PLCXD2: variants seen among roughly 807,000 people sequenced by gnomAD.
The protein encoded by PLCXD2 is PI-PLC X domain-containing protein 2.
A neutral mutation model predicts 28.6 loss-of-function variants in PLCXD2; 21 were observed. The ratio of observed to expected loss-of-function variants is 0.73; its 90% CI spans 0.52 to 1.06. PLCXD2 has a LOEUF of 1.06. Among genes scored for constraint, PLCXD2 ranks in the 50% least tolerant of loss-of-function variants. The pLI is 0.00. For missense variants in PLCXD2, 369 were observed against 376.7 expected (o/e 0.98, Z 0.17); for synonymous variants, 140 against 150.1 (o/e 0.93, Z 0.49).
At chr3:111,693,673 C>T (rs918264540) in intron 1 of PLCXD2, among the ~76,000 whole-genome samples, 4 of 152,158 alleles carry the variant, frequency 2.6e-5, no homozygotes, top group African/African-American at 7.2e-5. Context: ...TCTTGCTTCT[C>T]GATGTTTATG....
chr3:111,680,097 A>G (rs895446096), intron 1 of PLCXD2, among the ~76,000 whole-genome samples: 13 of 152,180 alleles, frequency 8.5e-5, no homozygotes, highest in Non-Finnish European at 1.3e-4. Context: ...CTGGAATCCT[A>G]TCCTTTTCCT....
chr3:111,700,970 G>A lies in PLCXD2; in HGVS notation c.164-6956G>A, dbSNP rs114651818. Among the ~76,000 whole-genome samples the A allele has an allele frequency of 4.7e-3, 716 of 152,246 alleles. 7 individuals carry two copies. The highest frequency in any genetic ancestry group is 0.016 in the African/African-American group (685 of 41,526). On this transcript the variant is annotated intron_variant, in intron 1 of 4. Transcript: ENST00000477665. ...GTGGGTGATGACAAACTTAGACTGT[G>A]ACCAAAACAGTGGTGGTGGCTATAG...
chr3:111,687,492 A>T (rs1940811510), intron 1 of PLCXD2, among the ~76,000 whole-genome samples: 1 of 152,158 alleles, frequency 6.6e-6, no homozygotes, highest in South Asian at 2.1e-4. Context: ...TATATTCTTA[A>T]CTCAGGCCTC....
Position 111,713,920 on chromosome 3 carries a change from C to G in PLCXD2, c.658C>G (p.Gln220Glu), listed in dbSNP as rs745677808. 8.7e-6 allele frequency: 14 copies of G among 1,613,910 alleles called. No homozygotes were observed. The highest frequency in any genetic ancestry group is 1.2e-5 in the Non-Finnish European group (14 of 1,179,916). ...TTTCTACCACTGTCCCTTCTACAAG[C>G]AGTACCCCTTCCTGTGGCCAGGAAA... Residue 220 changes from glutamine (Q) to glutamate (E), a missense_variant, in exon 3 of 5, where the codon CAG (glutamine) becomes GAG (glutamate). Physicochemically the swap from Gln to Glu is conservative, Grantham distance 29. Transcript: ENST00000477665.
intron 3 of PLCXD2, chr3:111,721,178 C>G (rs1413737930): frequency 5.2e-6 from 1 of 193,060 alleles, no homozygotes. Context: ...AATAGGATCT[C>G]TAGGACCCAT....
At chr3:111,726,186 C>A in intron 3 of PLCXD2, 1 of 283,716 alleles carries the variant, frequency 3.5e-6, no homozygotes, top group Non-Finnish European at 6.5e-6. Flanking sequence ...TGTACATTTG[C>A]AGTTTTACAT....
At chr3:111,686,926 G>A (rs1940803786) in intron 1 of PLCXD2, among the ~76,000 whole-genome samples, 1 of 152,142 alleles carries the variant, frequency 6.6e-6, no homozygotes, top group Admixed American at 6.5e-5. Flanking sequence ...AAGGAAAAAG[G>A]GAGATAAATG....
At chr3:111,689,648 T>C (rs1032026245) in intron 1 of PLCXD2, among the ~76,000 whole-genome samples, 1 of 152,216 alleles carries the variant, frequency 6.6e-6, no homozygotes, top group African/African-American at 2.4e-5. Context: ...GTCATTTCTG[T>C]ATACTTGCTG....
At chr3:111,685,616 G>A (rs1940782968) in intron 1 of PLCXD2, among the ~76,000 whole-genome samples, 1 of 152,050 alleles carries the variant, frequency 6.6e-6, no homozygotes, top group Non-Finnish European at 1.5e-5. Flanking sequence ...GCTTATTATT[G>A]TTCTTTCTTG....
chr3:111,725,375 C>A, intron 3 of PLCXD2: 1 of 341,788 alleles, frequency 2.9e-6, no homozygotes, highest in Non-Finnish European at 5.3e-6. Context: ...TTGTCACTTA[C>A]AACCATTGCC....
intron 3 of PLCXD2, among the ~76,000 whole-genome samples, chr3:111,719,259 T>C (rs1941313967): frequency 6.6e-6 from 1 of 152,042 alleles, no homozygotes; most frequent in Admixed American, 6.6e-5. Context: ...CTGTAAAAAT[T>C]AAGGAATTCG....
At chr3:111,694,107 A>C (rs555081085) in intron 1 of PLCXD2, among the ~76,000 whole-genome samples, 12 of 152,254 alleles carry the variant, frequency 7.9e-5, no homozygotes, top group African/African-American at 2.2e-4. Context: ...TCCTTTCCTG[A>C]GTCTTTCTTC....
intron 3 of PLCXD2, among the ~76,000 whole-genome samples, chr3:111,717,284 A>G (rs935784691): frequency 6.6e-6 from 1 of 151,942 alleles, no homozygotes; most frequent in Admixed American, 6.5e-5. Context: ...ATTTGTAAAG[A>G]CACCCAGAAA....
chr3:111,684,345 A>G (rs1356255395), intron 1 of PLCXD2, among the ~76,000 whole-genome samples: 2 of 151,444 alleles, frequency 1.3e-5, no homozygotes, highest in East Asian at 1.9e-4. Context: ...AAAAAAAAAA[A>G]AGGCATGTTA....
At chr3:111,693,339 G>A (rs1444619299) in intron 1 of PLCXD2, among the ~76,000 whole-genome samples, 1 of 152,196 alleles carries the variant, frequency 6.6e-6, no homozygotes, top group African/African-American at 2.4e-5. Context: ...TGTGGCTACG[G>A]AGGAGCAGAG....
At chr3:111,703,419 C>T (rs1188546442) in intron 1 of PLCXD2, among the ~76,000 whole-genome samples, 2 of 152,234 alleles carry the variant, frequency 1.3e-5, no homozygotes, top group Non-Finnish European at 2.9e-5. Context: ...CATTTCTGCA[C>T]AGTCCTCAGA....
chr3:111,698,006 C>T (rs2107852986), intron 1 of PLCXD2, among the ~76,000 whole-genome samples: 1 of 152,260 alleles, frequency 6.6e-6, no homozygotes, highest in Admixed American at 6.5e-5. Context: ...ACTTAAACTA[C>T]AGACTTCATT....
chr3:111,726,407 G>A (rs1941416609), intron 3 of PLCXD2: 1 of 152,174 alleles, frequency 6.6e-6, no homozygotes, highest in Non-Finnish European at 1.5e-5. Context: ...TCACTGATGA[G>A]CAATTAGAAA....
At chr3:111,682,681 G>T (rs1419814729) in intron 1 of PLCXD2, among the ~76,000 whole-genome samples, 1 of 152,162 alleles carries the variant, frequency 6.6e-6, no homozygotes, top group Non-Finnish European at 1.5e-5. Flanking sequence ...TATATTAAAA[G>T]CATTATTTTT....
Sources: allele counts gnomAD v4.1 joint callset (sites outside exome capture counted in the v4.1 genomes callset), GRCh38; gene constraint gnomAD v4.1.1; transcripts MANE v1.5; gene names NCBI Gene and HGNC (gene_info 2026-07-23, HGNC 2026-07-21).